LY96: variants seen among roughly 807,000 people sequenced by gnomAD.
LY96 encodes the protein lymphocyte antigen 96, also known as myeloid differentiation protein-2.
Under a neutral mutation model 18.9 loss-of-function variants are expected in LY96, and 18 were observed. That is an observed-to-expected ratio of 0.95 (90% CI 0.66 to 1.41). The LOEUF is 1.41. Ranked by LOEUF, LY96 falls within the 40% of genes most tolerant of loss-of-function variation. LY96 has a pLI of 0.00. For synonymous variants in LY96, 66 were observed against 62.6 expected (o/e 1.06, Z -0.26); for missense variants, 175 against 182.4 (o/e 0.96, Z 0.23).
chr8:74,019,246 C>A (rs1012135169), intron 3 of LY96, among the ~76,000 whole-genome samples: 1 of 152,048 alleles, frequency 6.6e-6, no homozygotes, highest in Non-Finnish European at 1.5e-5. Flanking sequence ...ATATCACCAC[C>A]GTTCCCACAG....
chr8:73,999,782 G>T (rs1306815897), intron 1 of LY96, among the ~76,000 whole-genome samples: 2 of 152,110 alleles, frequency 1.3e-5, no homozygotes, highest in Non-Finnish European at 2.9e-5. Context: ...GCCTCCCAAG[G>T]TGCTGAGATT....
intron 2 of LY96, among the ~76,000 whole-genome samples, chr8:74,007,362 C>T (rs1816435611): frequency 6.6e-6 from 1 of 152,162 alleles, no homozygotes; most frequent in Non-Finnish European, 1.5e-5. Flanking sequence ...TAATTTCTCA[C>T]TAAATATGAC....
intron 1 of LY96, among the ~76,000 whole-genome samples, chr8:73,997,684 G>T (rs1816179425): frequency 6.6e-6 from 1 of 152,146 alleles, no homozygotes; most frequent in Non-Finnish European, 1.5e-5. Context: ...GACACCTGTG[G>T]TTCTCACTGG....
the LY96 span, among the ~76,000 whole-genome samples, chr8:74,046,347 T>C: frequency 6.6e-6 from 1 of 152,134 alleles, no homozygotes; most frequent in Non-Finnish European, 1.5e-5. Context: ...CAAAGACCTT[T>C]GCAACAACTT....
intron 1 of LY96, among the ~76,000 whole-genome samples, chr8:73,997,242 C>G (rs767704434): frequency 2.0e-5 from 3 of 152,212 alleles, no homozygotes; most frequent in Non-Finnish European, 4.4e-5. Flanking sequence ...TTAAGTATCT[C>G]TTTCCCTCAC....
Position 74,004,880 on chromosome 8 carries a change from T to A in LY96, c.197T>A (p.Ile66Asn). The change falls in exon 2 of 5, where the codon ATT (isoleucine) becomes AAT (asparagine). Residue 66 changes from isoleucine to asparagine, a missense_variant. Ile to Asn is a moderately radical substitution (Grantham distance 149). Transcript: ENST00000284818. ...AAAGGATTATTGCACATTTTCTACA[T>A]TCCAAGTAAGTTCAAATTTTTGCTT... ...RSKGLLHIFY[I>N]PRRDLKQLYF... 6.3e-7 allele frequency: 1 copy of A among 1,591,124 alleles called. No individual in the cohort carries two copies.
At chr8:74,098,924 C>A in the LY96 span, among the ~76,000 whole-genome samples, 1 of 152,118 alleles carries the variant, frequency 6.6e-6, no homozygotes, top group Admixed American at 6.6e-5. Flanking sequence ...AGAAAATAGT[C>A]CTTACTTTAT....
the LY96 span, among the ~76,000 whole-genome samples, chr8:74,045,687 G>A: frequency 1.3e-5 from 2 of 152,092 alleles, no homozygotes; most frequent in African/African-American, 2.4e-5. Context: ...CCCCATTATT[G>A]CTCTAAGTCT....
the LY96 span, chr8:74,099,741 C>G: frequency 1.3e-5 from 2 of 152,190 alleles, no homozygotes; most frequent in Non-Finnish European, 2.9e-5. Context: ...CTTTTCCCCT[C>G]CCTTGAAGTA....
intron 3 of LY96, among the ~76,000 whole-genome samples, chr8:74,023,712 G>A (rs894185626): frequency 6.6e-6 from 1 of 152,034 alleles, no homozygotes; most frequent in African/African-American, 2.4e-5. Flanking sequence ...GTTTCCTCTG[G>A]CCAGCTCGAG....
chr8:73,991,484 A>G lies in LY96; in HGVS notation c.42A>G (p.Ile14Met). ...FLFFSTLFSS[I>M]FTEAQKQYWV... is the part of the protein sequence containing the mutation. ...TTTTTTCCACCCTGTTTTCTTCCAT[A>G]TTTACTGAAGCTCAGAAGCAGTATT... Residue 14 changes from isoleucine to methionine, a missense_variant, in exon 1 of 5, where the codon ATA (isoleucine) becomes ATG (methionine). Transcript: ENST00000284818. 3 of 1,613,242 alleles carry G rather than the reference A, an allele frequency of 1.9e-6. No homozygotes were observed. The highest frequency in any genetic ancestry group is 1.3e-5 in the African/African-American group (1 of 74,976).
chr8:73,997,802 T>A (rs1816181570), intron 1 of LY96, among the ~76,000 whole-genome samples: 1 of 152,176 alleles, frequency 6.6e-6, no homozygotes, highest in African/African-American at 2.4e-5. Context: ...AAGGATATTA[T>A]TAATACAAAG....
chr8:74,097,322 G>A, the LY96 span, among the ~76,000 whole-genome samples: 2,652 of 152,230 alleles, frequency 0.017, 42 homozygotes, highest in Admixed American at 0.027. Flanking sequence ...ACTTTCCTGT[G>A]CCTTACTTTC....
At chr8:74,037,214 T>A in the LY96 span, among the ~76,000 whole-genome samples, 2 of 152,206 alleles carry the variant, frequency 1.3e-5, no homozygotes, top group Non-Finnish European at 2.9e-5. Flanking sequence ...AATTCCTTGG[T>A]TGTCTCACTA....
the LY96 span, among the ~76,000 whole-genome samples, chr8:74,089,931 A>G: frequency 6.6e-6 from 1 of 151,736 alleles, no homozygotes; most frequent in Admixed American, 6.6e-5. Context: ...TTTGAGAAAG[A>G]GTGGGGAGGA....
At chr8:74,002,572 TC>T (rs1429643870) in intron 1 of LY96, among the ~76,000 whole-genome samples, 6 of 149,242 alleles carry the variant, frequency 4.0e-5, no homozygotes, top group African/African-American at 1.5e-4. Context: ...TTTATTTATT[TC>T]TTTTTTTTTT....
intron 2 of LY96, among the ~76,000 whole-genome samples, chr8:74,009,360 A>T (rs1298364477): frequency 7.6e-6 from 1 of 131,762 alleles, no homozygotes; most frequent in African/African-American, 3.1e-5. Context: ...ACGCCACTGC[A>T]CTCCAGTCTT....
the LY96 span, among the ~76,000 whole-genome samples, chr8:74,083,243 C>T: frequency 2.6e-5 from 4 of 152,120 alleles, no homozygotes; most frequent in South Asian, 8.3e-4. Context: ...GAGACGTAGT[C>T]TTGTTCTGTT....
chr8:74,030,416 G>A (rs1027264614), downstream of LY96, among the ~76,000 whole-genome samples: 7 of 152,194 alleles, frequency 4.6e-5, no homozygotes, highest in Non-Finnish European at 8.8e-5. Context: ...GGAAGGCTGA[G>A]GCAGGAGAAT....
Sources: gnomAD v4.1 joint callset for allele counts (sites outside exome capture counted in the v4.1 genomes callset) on GRCh38, gnomAD v4.1.1 for gene constraint, MANE v1.5 for transcripts, NCBI Gene and HGNC (gene_info 2026-07-23, HGNC 2026-07-21) for gene names.